Variants in DRC8 observed in about 807,000 individuals in gnomAD.
DRC8 encodes dynein regulatory complex protein 8.
chr1:245,118,805 GAAAAGAAAAGA>G, the DRC8 span, among the ~76,000 whole-genome samples: 1 of 73,982 alleles, frequency 1.4e-5, no homozygotes, highest in African/African-American at 7.8e-5. Flanking sequence ...AAAAAGAAAA[GAAAAGAAAAGA>G]AAAGAAAAGA....
At chr1:245,087,350 A>G in the DRC8 span, 1 of 1,583,436 alleles carries the variant, frequency 6.3e-7, no homozygotes, top group Non-Finnish European at 8.5e-7. Flanking sequence ...ATGGTGATAG[A>G]TGAAAATTAA....
the DRC8 span, among the ~76,000 whole-genome samples, chr1:245,057,066 T>C: frequency 1.3e-5 from 2 of 152,104 alleles, no homozygotes; most frequent in South Asian, 4.2e-4. Flanking sequence ...GGAAGTGAGG[T>C]GCAGAAACAG....
At chr1:244,976,267 T>G in the DRC8 span, among the ~76,000 whole-genome samples, 5 of 149,444 alleles carry the variant, frequency 3.3e-5, no homozygotes, top group Non-Finnish European at 5.9e-5. Flanking sequence ...AGACTCCATC[T>G]CAAAACAAAA....
chr1:245,088,350 G>A, the DRC8 span, among the ~76,000 whole-genome samples: 10 of 46,950 alleles, frequency 2.1e-4, no homozygotes, highest in Non-Finnish European at 3.0e-4. The surrounding 1 kb of genome is among the most constrained non-coding windows in gnomAD (Gnocchi z 4.6). Context: ...ACACACACAC[G>A]GGTCTCTATT....
the DRC8 span, among the ~76,000 whole-genome samples, chr1:245,043,533 C>T: frequency 2.6e-5 from 4 of 151,986 alleles, no homozygotes; most frequent in African/African-American, 7.3e-5. Flanking sequence ...TTTCAAAAGC[C>T]TACCAAAATT....
chr1:245,125,071 G>T, the DRC8 span: 2 of 152,208 alleles, frequency 1.3e-5, no homozygotes, highest in Non-Finnish European at 2.9e-5. Flanking sequence ...CCCCACTCAG[G>T]ATCACACCAC....
the DRC8 span, among the ~76,000 whole-genome samples, chr1:245,024,384 A>G: frequency 6.6e-6 from 1 of 152,242 alleles, no homozygotes; most frequent in East Asian, 1.9e-4. Context: ...AATTTTTGGT[A>G]GATGTTGCTA....
At chr1:245,036,793 T>C in the DRC8 span, among the ~76,000 whole-genome samples, 18 of 152,200 alleles carry the variant, frequency 1.2e-4, no homozygotes, top group African/African-American at 4.3e-4. Flanking sequence ...GGCAAATCTG[T>C]AGACACACAG....
the DRC8 span, among the ~76,000 whole-genome samples, chr1:244,975,617 G>A: frequency 8.5e-5 from 13 of 152,304 alleles, no homozygotes; most frequent in African/African-American, 2.6e-4. Flanking sequence ...CTAGCACTTT[G>A]AGAGGCCCAG....
the DRC8 span, among the ~76,000 whole-genome samples, chr1:244,996,270 C>T: frequency 6.6e-6 from 1 of 151,720 alleles, no homozygotes; most frequent in East Asian, 1.9e-4. Flanking sequence ...TCCCGCAGGA[C>T]TCGTGATAAG....
chr1:245,008,264 T>C, the DRC8 span, among the ~76,000 whole-genome samples: 9 of 152,208 alleles, frequency 5.9e-5, no homozygotes, highest in African/African-American at 2.2e-4. Context: ...GCTTTGGGAC[T>C]CTACATGAGG....
At chr1:245,006,832 G>A in the DRC8 span, among the ~76,000 whole-genome samples, 4 of 152,070 alleles carry the variant, frequency 2.6e-5, no homozygotes, top group African/African-American at 9.7e-5. Flanking sequence ...TACTTGGGGA[G>A]CTAAGGTGGG....
At chr1:245,060,597 G>A in the DRC8 span, among the ~76,000 whole-genome samples, 2 of 152,060 alleles carry the variant, frequency 1.3e-5, no homozygotes, top group Admixed American at 6.5e-5. Flanking sequence ...ATTAAAAAAA[G>A]ATACTGATTA....
the DRC8 span, among the ~76,000 whole-genome samples, chr1:245,054,613 C>T: frequency 2.6e-4 from 39 of 152,296 alleles, no homozygotes; most frequent in African/African-American, 7.9e-4. Context: ...TGCTCCATCT[C>T]TCATGCGGGT....
chr1:245,089,774 G>A, the DRC8 span, among the ~76,000 whole-genome samples: 1 of 152,114 alleles, frequency 6.6e-6, no homozygotes, highest in African/African-American at 2.4e-5. The surrounding 1 kb of genome is among the most constrained non-coding windows in gnomAD (Gnocchi z 4.8). Context: ...TTTGGAAGAT[G>A]GGTGGATGTA....
chr1:245,071,638 A>G, the DRC8 span, among the ~76,000 whole-genome samples: 2 of 152,240 alleles, frequency 1.3e-5, no homozygotes, highest in African/African-American at 2.4e-5. Context: ...GGTGGTATTC[A>G]TACTCCCTTC....
At chr1:245,004,285 C>T in the DRC8 span, among the ~76,000 whole-genome samples, 1 of 151,784 alleles carries the variant, frequency 6.6e-6, no homozygotes, top group Non-Finnish European at 1.5e-5. Context: ...TAGAATAGTT[C>T]TAGATGAGTA....
the DRC8 span, among the ~76,000 whole-genome samples, chr1:245,115,557 C>T: frequency 2.0e-5 from 3 of 152,210 alleles, no homozygotes; most frequent in Non-Finnish European, 4.4e-5. Context: ...CTCATTCATT[C>T]TTTCAGTCAC....
chr1:245,038,894 AAG>A, the DRC8 span, among the ~76,000 whole-genome samples: 1 of 149,648 alleles, frequency 6.7e-6, no homozygotes, highest in African/African-American at 2.5e-5. Flanking sequence ...CAAGCCAAAA[AAG>A]AATTATAAAA....
Sources: gnomAD v4.1 joint callset for allele counts (sites outside exome capture counted in the v4.1 genomes callset) on GRCh38, gnomAD v4.1.1 for gene constraint, Gnocchi (gnomAD v3.1) non-coding constraint, MANE v1.5 for transcripts, NCBI Gene and HGNC (gene_info 2026-07-23, HGNC 2026-07-21) for gene names.